Variants in ADGRA2 observed in about 807,000 individuals in gnomAD.
ADGRA2 encodes the protein adhesion G protein-coupled receptor A2.
ADGRA2 carries 61 observed loss-of-function variants against 98.7 expected under a neutral mutation model. The observed-to-expected ratio is 0.62, with a 90% confidence interval of 0.50 to 0.76. ADGRA2 has a LOEUF of 0.76. Ranked by LOEUF, ADGRA2 falls within the 30% of genes least tolerant of loss-of-function variation. The pLI, the probability that ADGRA2 is intolerant of heterozygous loss-of-function variation, is 0.00. For synonymous variants in ADGRA2, 858 were observed against 831.5 expected, an observed-to-expected ratio of 1.03 and a Z score of -0.55; for missense variants, 1,712 against 1,860.0, an observed-to-expected ratio of 0.92 and a Z score of 1.46.
At chr8:37,835,857 G>A in intron 13 of ADGRA2, 87 bp downstream of exon 13, 1 of 786,454 alleles carries the variant, frequency 1.3e-6, no homozygotes, top group Admixed American at 2.1e-5. Context: ...CTGGCCCACA[G>A]CCCCCCAGTG....
In ADGRA2 at chr8:37,841,975, G is replaced by A; in HGVS notation, c.3637G>A (p.Glu1213Lys). ...GCGCGGGGGCGCGGCGGGGGCGCTGGAGCTGCTGTCCAGCGAGAGCGGCAG... is the reference window on the plus strand; with the variant it reads ...GCGCGGGGGCGCGGCGGGGGCGCTGAAGCTGCTGTCCAGCGAGAGCGGCAG... ...ALRGGAAGAL[E>K]LLSSESGSLH... The change falls in exon 19 of 19, where the codon GAG becomes AAG. Residue 1213 changes from glutamate to lysine, a missense_variant. Glu to Lys is a moderately conservative substitution (Grantham distance 56). Transcript: ENST00000412232. The surrounding 1 kb of genome is among the most constrained non-coding windows in gnomAD (Gnocchi z 5.0). 1 of 1,503,844 alleles carries A rather than the reference G, an allele frequency of 6.6e-7. No homozygotes were observed. The highest frequency in any genetic ancestry group is 8.8e-7 in the Non-Finnish European group (1 of 1,134,804). The allele number at this position is 1,503,844 out of a possible 1,614,324, so 93.2% of individuals were successfully genotyped here.
Position 37,828,828 on chromosome 8 carries a change from C to T in ADGRA2, c.339-60C>T, listed in dbSNP as rs973847399. On this transcript the variant is annotated intron_variant, in intron 2 of 18. Coordinates refer to ENST00000412232, the MANE Select transcript of ADGRA2 (RefSeq NM_032777.10). ...CCGTGGTGACAGTGAGGACCCCTCC[C>T]GGGGAGCAGGGCGGCTCCAGCGGGG... 14 of 1,385,038 alleles carry T rather than the reference C, an allele frequency of 1.0e-5. No individual in the cohort carries two copies. The Admixed American group carries it at 1.1e-4, about 11-fold the overall frequency. 85.8% of individuals were successfully genotyped at this position (1,385,038 alleles called of 1,614,324 possible). A position where few individuals can be genotyped will look rare whatever the true frequency, so the allele number is the denominator to read the frequency against.
chr8:37,824,528 T>A (rs1805218788), intron 2 of ADGRA2, among the ~76,000 whole-genome samples: 1 of 149,216 alleles, frequency 6.7e-6, no homozygotes, highest in African/African-American at 2.5e-5. Context: ...AGTTTTGCTC[T>A]TGTTGCCCAG....
rs1484027992 is a variant in ADGRA2, at chr8:37,796,911, G to T, written c.-358G>T. On this transcript the variant is annotated 5_prime_UTR_variant, in exon 1 of 19. Coordinates refer to ENST00000412232, the MANE Select transcript of ADGRA2 (RefSeq NM_032777.10). Reference sequence around the variant, plus strand: ...CATGGCACGGAGCGGCGGCGGCGGCGGCAGCAGGAGCCCGGCGCGATCCGC... The same window carrying T: ...CATGGCACGGAGCGGCGGCGGCGGCTGCAGCAGGAGCCCGGCGCGATCCGC... 1.3e-5 allele frequency: 2 copies of T among 153,450 alleles called. No individual in the cohort carries two copies. Among genetic ancestry groups the T allele is most frequent in the South Asian group, 1.8e-4 (1 of 5,692 alleles). 9.5% of individuals were successfully genotyped at this position (153,450 alleles called of 1,614,324 possible).
In ADGRA2 at chr8:37,841,199, T is replaced by G. The variant is rs1041274486; in HGVS notation, c.2861T>G (p.Leu954Arg). Residue 954 changes from leucine (L) to arginine (R), a missense_variant, in exon 19 of 19, where the codon CTG becomes CGG. By Grantham distance (102) the Leu-to-Arg change is moderately radical (BLOSUM62 -2). Transcript: ENST00000412232. This position sits in a 1 kb window ranked among gnomAD's most constrained non-coding sequence, Gnocchi z 5.0. ...LCAGLRLRGP[L>R]AQNPKAGNSR... ...GCCGGGCTACGCTTACGGGGTCCTC[T>G]GGCACAGAACCCCAAGGCGGGCAAC... The G allele has an allele frequency of 6.2e-7, 1 of 1,613,576 alleles. No homozygotes were observed. The highest frequency in any genetic ancestry group is 1.3e-5 in the African/African-American group (1 of 75,060).
At chr8:37,837,975 G>C (rs1805670311) in intron 14 of ADGRA2, 36 bp downstream of exon 14, 2 of 1,428,186 alleles carry the variant, frequency 1.4e-6, no homozygotes, top group African/African-American at 2.9e-5. Flanking sequence ...CGGGGGGGCA[G>C]GGACACGGGC....
At chr8:37,811,939 C>A (rs995784807) in intron 1 of ADGRA2, among the ~76,000 whole-genome samples, 1 of 151,548 alleles carries the variant, frequency 6.6e-6, no homozygotes, top group Non-Finnish European at 1.5e-5. Context: ...CCCGCCTCTA[C>A]TAAAAAGATA....
rs59366059 is a variant in ADGRA2, at chr8:37,804,055, G to A, written c.266+6521G>A. On this transcript the variant is annotated intron_variant, in intron 1 of 18. Coordinates refer to ENST00000412232, the MANE Select transcript of ADGRA2 (RefSeq NM_032777.10). ...AAAGACCATCAAAGATAAGATGTGG[G>A]GTCTCCAGTCTACCCCCAGGGAGGG... 5.9e-3 allele frequency among the ~76,000 whole-genome samples: 880 copies of A among 150,224 alleles called. 40 individuals carry two copies. In the East Asian group the frequency reaches 0.077, roughly 13 times the overall value.
Position 37,811,394 on chromosome 8 carries a change from A to C in ADGRA2, c.267-3502A>C, listed in dbSNP as rs189145844. On this transcript the variant is annotated intron_variant, in intron 1 of 18. Coordinates refer to ENST00000412232, the MANE Select transcript of ADGRA2 (RefSeq NM_032777.10). ...ACCATGTTGGCCAGGCTGGTCTCCA[A>C]CTCCTGACCTCAGGTGATCTGCCTG... Among the ~76,000 whole-genome samples, 34 of 146,218 alleles carry C rather than the reference A, an allele frequency of 2.3e-4. No homozygotes were observed. The East Asian group carries it at 6.8e-3, about 29-fold the overall frequency.
rs1432940644 is a variant in ADGRA2, at chr8:37,844,831, G to C, written c.*2476G>C. 2.5e-6 allele frequency: 4 copies of C among 1,614,080 alleles called. No individual in the cohort carries two copies. Among genetic ancestry groups the C allele is most frequent in the Non-Finnish European group, 3.4e-6 (4 of 1,180,058 alleles). On this transcript the variant is annotated 3_prime_UTR_variant, in exon 19 of 19. Transcript: ENST00000412232. ...CCATCCCGAAAGGCAGAGCGGACCA[G>C]TGACTGGCGGTGCTGGAGAAGGTCA... is the stretch of plus-strand genomic sequence containing the variant.
At chr8:37,833,459 A>G (rs1343806617) in intron 9 of ADGRA2, among the ~76,000 whole-genome samples, 4 of 152,044 alleles carry the variant, frequency 2.6e-5, no homozygotes, top group African/African-American at 9.7e-5. Context: ...TTACTCACCA[A>G]CGCCAAAAGC....
intron 2 of ADGRA2, among the ~76,000 whole-genome samples, chr8:37,826,372 G>C (rs1270512185): frequency 6.6e-6 from 1 of 152,166 alleles, no homozygotes; most frequent in Non-Finnish European, 1.5e-5. Context: ...CTGGCAGCCA[G>C]GATACTTATC....
intron 2 of ADGRA2, 98 bp from the exon 3 acceptor site, chr8:37,828,790 C>T: frequency 2.2e-6 from 2 of 927,200 alleles, no homozygotes; most frequent in Non-Finnish European, 3.3e-6. Context: ...CCCTGAGAAA[C>T]CCAGCAACAA....
rs58082798 is a variant in ADGRA2, at chr8:37,836,038, A to AACACACACAC, written c.2050+319_2050+328dup. Reference sequence around the variant, plus strand: ...GAGGGCTATGAGCATAGCCCCCTCCAACACACACACACACACACACACACA... The same window carrying AACACACACAC: ...GAGGGCTATGAGCATAGCCCCCTCCAACACACACACACACACACACACACACACACACACA... On this transcript the variant is annotated intron_variant, in intron 13 of 18. Transcript: ENST00000412232. Among the ~76,000 whole-genome samples the AACACACACAC allele has an allele frequency of 1.6e-3, 203 of 124,572 alleles. 4 individuals carry two copies. Among genetic ancestry groups the AACACACACAC allele is most frequent in the East Asian group, 3.8e-3 (16 of 4,208 alleles). 81.7% of individuals were successfully genotyped at this position (124,572 alleles called of 152,430 possible). A position where few individuals can be genotyped will look rare whatever the true frequency, so the allele number is the denominator to read the frequency against.
At chr8:37,800,350 G>A (rs949953596) in intron 1 of ADGRA2, among the ~76,000 whole-genome samples, 1 of 152,136 alleles carries the variant, frequency 6.6e-6, no homozygotes, top group African/African-American at 2.4e-5. Context: ...TTTATTATGC[G>A]GATTTATGCG....
chr8:37,804,130 C>CACACACACACACACACACACACAT (rs1804591199), intron 1 of ADGRA2, among the ~76,000 whole-genome samples: 1 of 148,590 alleles, frequency 6.7e-6, no homozygotes, highest in East Asian at 2.0e-4. Context: ...CACACACACA[C>CACACACACACACACACACACACAT]ACACACACAC....
chr8:37,839,747 C>T (rs1805734516), intron 16 of ADGRA2, 125 bp downstream of exon 16: 1 of 1,217,828 alleles, frequency 8.2e-7, no homozygotes, highest in Non-Finnish European at 1.2e-6. Flanking sequence ...ATGGCTTCCT[C>T]TGTGGCAGCC....
At position 37,833,690 on chromosome 8, in the gene ADGRA2, G is replaced by A; in HGVS notation, c.1299G>A (p.Met433Ile). ...CTCTCTCTTCCCCCAATCCCCAGAT[G>A]CCCATCAATGCCTCCAATGCGCTGA... ...ITRVLYTFVLMPINASNALTL... is the reference protein window; with the variant it reads ...ITRVLYTFVLIPINASNALTL... Residue 433 changes from methionine (M) to isoleucine (I), a missense_variant and splice_region_variant, in exon 10 of 19, where the codon ATG becomes ATA. By Grantham distance (10) the Met-to-Ile change is conservative. Coordinates refer to ENST00000412232, the MANE Select transcript of ADGRA2 (RefSeq NM_032777.10). 6.2e-7 allele frequency: 1 copy of A among 1,614,018 alleles called. No homozygotes were observed. Among genetic ancestry groups the A allele is most frequent in the Non-Finnish European group, 8.5e-7 (1 of 1,179,922 alleles).
At position 37,830,706 on chromosome 8, in the gene ADGRA2, A is replaced by T. The variant is rs777664364; in HGVS notation, c.719-4A>T. 1.3e-5 allele frequency: 18 copies of T among 1,405,348 alleles called. No homozygotes were observed. Among genetic ancestry groups the T allele is most frequent in the Non-Finnish European group, 1.7e-5 (18 of 1,055,028 alleles). 87.1% of individuals were successfully genotyped at this position (1,405,348 alleles called of 1,614,324 possible). ...GGCCTCACGCCTGGTGTCTCCTCCCACAGAGGGGGCCCTGGAGCTGCACAC... is the reference window on the plus strand; with the variant it reads ...GGCCTCACGCCTGGTGTCTCCTCCCTCAGAGGGGGCCCTGGAGCTGCACAC... On this transcript the variant is annotated splice_polypyrimidine_tract_variant and splice_region_variant and intron_variant, in intron 6 of 18. Transcript: ENST00000412232. This position sits in a 1 kb window ranked among gnomAD's most constrained non-coding sequence, Gnocchi z 4.8.
Sources: gnomAD v4.1 joint callset for allele counts (sites outside exome capture counted in the v4.1 genomes callset) on GRCh38, gnomAD v4.1.1 for gene constraint, Gnocchi (gnomAD v3.1) non-coding constraint, MANE v1.5 for transcripts, NCBI Gene and HGNC (gene_info 2026-07-23, HGNC 2026-07-21) for gene names.